The following TRIM33 variants were observed in gnomAD, a reference collection of about 807,000 sequenced individuals.
The protein encoded by TRIM33 is tripartite motif containing 33, also known as E3 ubiquitin-protein ligase TRIM33.
In TRIM33, 20 loss-of-function variants were observed where a neutral mutation model predicts 125.4. The observed-to-expected ratio is 0.16, with a 90% CI of 0.11 to 0.23. The LOEUF is 0.23. TRIM33 is among the 10% of genes least tolerant of loss of function. The probability of loss-of-function intolerance (pLI) is 1.00; values close to 1 mark genes in which losing one functional copy is unlikely to be tolerated. For synonymous variants in TRIM33, 564 were observed against 513.9 expected, an observed-to-expected ratio of 1.10 and a Z score of -1.32; for missense variants, 920 against 1,411.4, an observed-to-expected ratio of 0.65 and a Z score of 5.58.
At position 114,510,180 on chromosome 1, in the gene TRIM33, T is replaced by G. The variant is rs551527683; in HGVS notation, c.526+371A>C. 1.8e-4 allele frequency among the ~76,000 whole-genome samples: 27 copies of G among 152,052 alleles called. 1 individual carries two copies. In the Middle Eastern group the frequency reaches 0.02, roughly 115 times the overall value. ...ACCTCTTACCTACTCCCTCAACACC[T>G]CGCTGGCCCGGGCCCTTTCAGCCAA... On this transcript the variant is annotated intron_variant, in intron 1 of 19. Coordinates refer to ENST00000358465, the MANE Select transcript of TRIM33 (RefSeq NM_015906.4).
intron 11 of TRIM33, among the ~76,000 whole-genome samples, chr1:114,413,569 A>G (rs576608568): frequency 1.4e-4 from 19 of 136,502 alleles, no homozygotes; most frequent in South Asian, 2.3e-4. Flanking sequence ...AAAAAAAAAA[A>G]AAAAGAAAAG....
chr1:114,487,097 A>T (rs572949394), intron 1 of TRIM33, among the ~76,000 whole-genome samples: 1 of 151,968 alleles, frequency 6.6e-6, no homozygotes, highest in Admixed American at 6.6e-5. Flanking sequence ...AAAAAAAAAA[A>T]AAAAATTACT....
chr1:114,399,577 T>C lies in TRIM33; in HGVS notation c.3000A>G (p.Pro1000=). The C allele has an allele frequency of 3.1e-6, 5 of 1,608,284 alleles. No homozygotes were observed. Among genetic ancestry groups the C allele is most frequent in the African/African-American group, 1.3e-5 (1 of 74,708 alleles). The change falls in exon 18 of 20, where the codon CCA becomes CCG. Residue 1000 remains proline (P), a synonymous_variant. Coordinates refer to ENST00000358465, the MANE Select transcript of TRIM33 (RefSeq NM_015906.4). The part of the protein sequence containing the change: ...IPNYYKIIKK[P]MDLSTVKKKL... ...TCTTTTTCACGGTGGATAAATCCATTGGTTTCTTTATAATTTTATAGTAGT... is the reference window on the plus strand; with the variant it reads ...TCTTTTTCACGGTGGATAAATCCATCGGTTTCTTTATAATTTTATAGTAGT...
intron 4 of TRIM33, among the ~76,000 whole-genome samples, chr1:114,435,878 T>A (rs911655441): frequency 1.7e-5 from 1 of 60,162 alleles, no homozygotes; most frequent in Non-Finnish European, 3.3e-5. Context: ...AGACACCCGC[T>A]TTTTTTTTTT....
intron 18 of TRIM33, among the ~76,000 whole-genome samples, chr1:114,398,961 A>C (rs1051744015): frequency 2.0e-5 from 3 of 151,372 alleles, no homozygotes; most frequent in Non-Finnish European, 4.4e-5. Context: ...AAACCAAAAA[A>C]CATAACCAAA....
At chr1:114,482,081 A>C (rs1397683976) in intron 1 of TRIM33, among the ~76,000 whole-genome samples, 1 of 152,180 alleles carries the variant, frequency 6.6e-6, no homozygotes, top group Admixed American at 6.5e-5. Context: ...AAAATGTTCT[A>C]TATCTGCACT....
chr1:114,465,353 G>A (rs936419520), intron 1 of TRIM33, among the ~76,000 whole-genome samples: 17 of 152,090 alleles, frequency 1.1e-4, no homozygotes, highest in African/African-American at 4.1e-4. Flanking sequence ...CCTTCAAGAA[G>A]GATTCTAGAT....
intron 1 of TRIM33, among the ~76,000 whole-genome samples, chr1:114,505,231 C>T (rs1038787662): frequency 6.6e-6 from 1 of 152,182 alleles, no homozygotes; most frequent in Non-Finnish European, 1.5e-5. Context: ...ATCTTGGACA[C>T]ATCGTTAATG....
chr1:114,431,559 G>A (rs1199654241), intron 5 of TRIM33, among the ~76,000 whole-genome samples: 1 of 152,186 alleles, frequency 6.6e-6, no homozygotes, highest in East Asian at 1.9e-4. Context: ...CTGATACTTT[G>A]GTATTTACAA....
chr1:114,501,244 G>A (rs1652697271), intron 1 of TRIM33, among the ~76,000 whole-genome samples: 1 of 151,884 alleles, frequency 6.6e-6, no homozygotes, highest in Non-Finnish European at 1.5e-5. Flanking sequence ...GGCAGTTCTG[G>A]CTTAGTGCCT....
At chr1:114,508,743 C>T (rs539307331) in intron 1 of TRIM33, among the ~76,000 whole-genome samples, 1 of 152,302 alleles carries the variant, frequency 6.6e-6, no homozygotes, top group East Asian at 1.9e-4. Flanking sequence ...CCCATCCCTC[C>T]ATTCCCATAG....
intron 4 of TRIM33, among the ~76,000 whole-genome samples, chr1:114,452,117 C>T (rs1009109791): frequency 9.2e-5 from 14 of 152,128 alleles, no homozygotes; most frequent in Middle Eastern, 3.4e-3. Context: ...ACTAAAATGA[C>T]CAATAAAGAC....
Position 114,397,608 on chromosome 1 carries a change from T to TTTTGG in TRIM33, c.*39_*40insCCAAA. ...TTTTGTGTTTTTTTTTTTTTTTTCG[T>TTTTGG]TTTTTTTTTTTTAAACAATTGATTT... On this transcript the variant is annotated 3_prime_UTR_variant, in exon 20 of 20. Coordinates refer to ENST00000358465, the MANE Select transcript of TRIM33 (RefSeq NM_015906.4). The TTTTGG allele has an allele frequency of 1.4e-6, 1 of 711,408 alleles. No homozygotes were observed. The highest frequency in any genetic ancestry group is 2.1e-6 in the Non-Finnish European group (1 of 483,306). The allele number at this position is 711,408 out of a possible 1,614,324, so 44.1% of individuals were successfully genotyped here.
Position 114,484,821 on chromosome 1 carries a change from C to T in TRIM33, c.527-20433G>A, listed in dbSNP as rs528192381. Among the ~76,000 whole-genome samples, 356 of 152,196 alleles carry T rather than the reference C, an allele frequency of 2.3e-3. 1 individual carries two copies. The highest frequency in any genetic ancestry group is 3.1e-3 in the Non-Finnish European group (210 of 68,002). On this transcript the variant is annotated intron_variant, in intron 1 of 19. Coordinates refer to ENST00000358465, the MANE Select transcript of TRIM33 (RefSeq NM_015906.4). ...TGGAGGTTGCAGTGAGCCCACATCG[C>T]ACCACTGCACTCCAGCCTGGATGAC...
chr1:114,393,370 C>CT lies in TRIM33; in HGVS notation c.*4277_*4278insA, dbSNP rs1651380532. The CT allele has an allele frequency of 1.0e-5, 2 of 200,598 alleles. No homozygotes were observed. The highest frequency in any genetic ancestry group is 1.2e-4 in the Admixed American group (2 of 16,590). The allele number at this position is 200,598 out of a possible 1,614,324, so 12.4% of individuals were successfully genotyped here. A position where few individuals can be genotyped will look rare whatever the true frequency, so the allele number is the denominator to read the frequency against. On this transcript the variant is annotated 3_prime_UTR_variant, in exon 20 of 20. Coordinates refer to ENST00000358465, the MANE Select transcript of TRIM33 (RefSeq NM_015906.4). ...ATCCTTAAGATTGAAATTTAGGCCA[C>CT]ACTTGAAAGGGAATATTGCAGTGGC...
chr1:114,398,368 A>G (rs1283730022), intron 18 of TRIM33, among the ~76,000 whole-genome samples: 1 of 152,248 alleles, frequency 6.6e-6, no homozygotes, highest in African/African-American at 2.4e-5. Flanking sequence ...CTGTATAGCA[A>G]TATGTTAATC....
intron 1 of TRIM33, among the ~76,000 whole-genome samples, chr1:114,471,735 G>A (rs750141291): frequency 2.6e-5 from 4 of 152,124 alleles, no homozygotes; most frequent in Non-Finnish European, 5.9e-5. Flanking sequence ...TGGGAATACT[G>A]TACAACAATG....
At chr1:114,499,355 C>T (rs1006478509) in intron 1 of TRIM33, among the ~76,000 whole-genome samples, 2 of 151,524 alleles carry the variant, frequency 1.3e-5, no homozygotes, top group African/African-American at 4.9e-5. Flanking sequence ...TGAACGATTA[C>T]AACCTCAGTT....
At chr1:114,479,497 C>G (rs772985923) in intron 1 of TRIM33, among the ~76,000 whole-genome samples, 1 of 151,920 alleles carries the variant, frequency 6.6e-6, no homozygotes, top group South Asian at 2.1e-4. Flanking sequence ...AATTATAAAC[C>G]AAGAATTGTA....
Sources: gnomAD v4.1 joint callset for allele counts (sites outside exome capture counted in the v4.1 genomes callset) on GRCh38, gnomAD v4.1.1 for gene constraint, MANE v1.5 for transcripts, NCBI Gene and HGNC (gene_info 2026-07-23, HGNC 2026-07-21) for gene names.